The following TSPEAR variants were observed in gnomAD, a reference collection of about 807,000 sequenced individuals.
TSPEAR encodes the protein thrombospondin-type laminin G domain and EAR repeat-containing protein.
TSPEAR carries 69 observed loss-of-function variants against 71.6 expected under a neutral mutation model. The observed-to-expected ratio is 0.96, with a 90% confidence interval of 0.79 to 1.18. The LOEUF is 1.18. TSPEAR is among the 50% of genes most tolerant of loss of function. The pLI is 0.00. For missense variants in TSPEAR, 971 were observed against 894.9 expected (o/e 1.09, Z -1.09); for synonymous variants, 402 against 387.2 (o/e 1.04, Z -0.45).
chr21:44,526,079 T>C, intron 7 of TSPEAR: 1 of 418,616 alleles, frequency 2.4e-6, no homozygotes, highest in Non-Finnish European at 4.3e-6. Context: ...TTTCCACTTC[T>C]ATTGCTATCT....
chr21:44,621,672 GATAA>G (rs1982443413), intron 1 of TSPEAR, among the ~76,000 whole-genome samples: 1 of 152,224 alleles, frequency 6.6e-6, no homozygotes. Context: ...AAAACAAGCT[GATAA>G]ATTTAAGACT....
At chr21:44,580,729 C>T in intron 1 of TSPEAR, 1 of 777,710 alleles carries the variant, frequency 1.3e-6, no homozygotes, top group Non-Finnish European at 2.1e-6. Flanking sequence ...ACAGGAGGCT[C>T]CACAAGCTTC....
intron 1 of TSPEAR, chr21:44,676,517 C>T (rs73234834): frequency 0.039 from 30,112 of 767,602 alleles, 731 homozygotes; most frequent in Middle Eastern, 0.066. Flanking sequence ...CTGGCATAGG[C>T]GGTATTTATA....
intron 1 of TSPEAR, among the ~76,000 whole-genome samples, chr21:44,607,544 T>C (rs587633303): frequency 6.6e-6 from 1 of 152,376 alleles, no homozygotes; most frequent in Non-Finnish European, 1.5e-5. Flanking sequence ...TTCACGACGT[T>C]GTGGTAGGCA....
intron 3 of TSPEAR, among the ~76,000 whole-genome samples, chr21:44,532,912 G>A (rs182329825): frequency 8.1e-4 from 124 of 152,302 alleles, no homozygotes; most frequent in African/African-American, 2.7e-3. Flanking sequence ...CCTCGTCCAC[G>A]AGGAACCTGC....
chr21:44,637,542 G>A (rs1983683168), intron 1 of TSPEAR: 2 of 1,613,552 alleles, frequency 1.2e-6, no homozygotes, highest in South Asian at 1.1e-5. Context: ...ACCCTGGTCT[G>A]CACCCCAGTG....
rs76008453 is a variant in TSPEAR at position 44,551,525 on chromosome 21, A to T, written c.303+16260T>A. 2,277 of 686,524 alleles carry T rather than the reference A, an allele frequency of 3.3e-3. 3 individuals are homozygous for T. The highest frequency in any genetic ancestry group is 0.014 in the Admixed American group (301 of 20,782). The allele number at this position is 686,524 out of a possible 1,614,324, so 42.5% of individuals were successfully genotyped here. ...GAGTGAGTGTGTGTGTGAGTGTGTG[A>T]GTGAGTGTGTGTGTGAGCCTGTTGG... On this transcript the variant is annotated intron_variant, in intron 2 of 11. Coordinates refer to ENST00000323084, the MANE Select transcript of TSPEAR (RefSeq NM_144991.3).
At chr21:44,646,928 G>A (rs782391419) in intron 1 of TSPEAR, 8 of 1,612,210 alleles carry the variant, frequency 5.0e-6, no homozygotes, top group Non-Finnish European at 6.8e-6. Context: ...CCTGTGTGCT[G>A]TGTGTCCACC....
chr21:44,627,715 T>C (rs782234431), intron 1 of TSPEAR: 1 of 1,595,962 alleles, frequency 6.3e-7, no homozygotes, highest in East Asian at 2.2e-5. Flanking sequence ...CCAGCAGTCC[T>C]ACTGTGTGCC....
intron 1 of TSPEAR, among the ~76,000 whole-genome samples, chr21:44,644,343 T>C (rs1984186903): frequency 6.6e-6 from 1 of 152,236 alleles, no homozygotes; most frequent in African/African-American, 2.4e-5. Flanking sequence ...CTAGACTTCC[T>C]GGCTTTCCTA....
intron 1 of TSPEAR, chr21:44,646,610 G>A (rs1555939868): frequency 1.2e-6 from 2 of 1,612,860 alleles, no homozygotes; most frequent in East Asian, 2.2e-5. Flanking sequence ...ACCCCAGTGA[G>A]CTGTGTGTCC....
At chr21:44,527,176 G>A (rs587656113) in intron 7 of TSPEAR, 116 bp downstream of exon 7, 7 of 945,366 alleles carry the variant, frequency 7.4e-6, no homozygotes, top group East Asian at 2.5e-5. Context: ...CCGCCTGAAC[G>A]AGGTGACACC....
At position 44,580,572 on chromosome 21, in the gene TSPEAR, C is replaced by T. The variant is rs145432474; in HGVS notation, c.83-12567G>A. On this transcript the variant is annotated intron_variant, in intron 1 of 11. Coordinates refer to ENST00000323084, the MANE Select transcript of TSPEAR (RefSeq NM_144991.3). ...CTGGAGCAGACGGACATGGTGCACG[C>T]GGCCATGCTGGGGTGGGGAAGACGT... 1.7e-4 allele frequency: 281 copies of T among 1,609,298 alleles called. 1 individual carries two copies. In the African/African-American group the frequency reaches 3.1e-3, roughly 18 times the overall value.
chr21:44,582,809 T>C (rs1979076040), intron 1 of TSPEAR, among the ~76,000 whole-genome samples: 1 of 146,788 alleles, frequency 6.8e-6, no homozygotes, highest in Non-Finnish European at 1.5e-5. Flanking sequence ...TCTCTCTTTC[T>C]TTCTCTTTCT....
chr21:44,582,813 TC>T (rs1979077986), intron 1 of TSPEAR, among the ~76,000 whole-genome samples: 33 of 142,106 alleles, frequency 2.3e-4, no homozygotes, highest in African/African-American at 8.5e-4. Context: ...TCTTTCTTTC[TC>T]TTTCTTTCTT....
At position 44,687,378 on chromosome 21, in the gene TSPEAR, G is replaced by A. The variant is rs1986906862; in HGVS notation, c.82+24055C>T. On this transcript the variant is annotated intron_variant, in intron 1 of 11. Transcript: ENST00000323084. This position sits in a 1 kb window ranked among gnomAD's most constrained non-coding sequence, Gnocchi z 4.4. ...GTATCATAACAGAAAAAACCGGAACGGCCCATGTGCCCATTAGCTGGTGGA... is the reference window on the plus strand; with the variant it reads ...GTATCATAACAGAAAAAACCGGAACAGCCCATGTGCCCATTAGCTGGTGGA... Among the ~76,000 whole-genome samples, 1 of 152,082 alleles carries A rather than the reference G, an allele frequency of 6.6e-6. No individual in the cohort carries two copies. The highest frequency in any genetic ancestry group is 2.4e-5 in the African/African-American group (1 of 41,404).
chr21:44,573,934 C>T, intron 1 of TSPEAR: 4 of 1,612,588 alleles, frequency 2.5e-6, no homozygotes, highest in Non-Finnish European at 3.4e-6. Flanking sequence ...GTCTGCACCC[C>T]AGTGAGCCGT....
At chr21:44,513,174 G>C (rs1277371629) in intron 9 of TSPEAR, among the ~76,000 whole-genome samples, 1 of 152,208 alleles carries the variant, frequency 6.6e-6, no homozygotes, top group Non-Finnish European at 1.5e-5. Context: ...TTAGCTGGCC[G>C]AGTCCACGGT....
chr21:44,653,655 T>C (rs1242348917), intron 1 of TSPEAR, among the ~76,000 whole-genome samples: 3 of 152,382 alleles, frequency 2.0e-5, no homozygotes, highest in South Asian at 4.1e-4. Context: ...AATAAGCAGA[T>C]GGCCCGTTTT....
Sources: gnomAD v4.1 joint callset for allele counts (sites outside exome capture counted in the v4.1 genomes callset) on GRCh38, gnomAD v4.1.1 for gene constraint, Gnocchi (gnomAD v3.1) non-coding constraint, MANE v1.5 for transcripts, NCBI Gene and HGNC (gene_info 2026-07-23, HGNC 2026-07-21) for gene names.